Variants in TMEM163 observed in about 807,000 individuals in gnomAD.
The protein encoded by TMEM163 is transmembrane protein 163.
In TMEM163, 17 loss-of-function variants were observed where a neutral mutation model predicts 29.3. The observed-to-expected ratio is 0.58, with a 90% confidence interval of 0.40 to 0.87. The LOEUF (loss-of-function observed/expected upper bound fraction) is 0.87. TMEM163 is among the 40% of genes least tolerant of loss of function. The pLI is 0.00. For synonymous variants in TMEM163, 157 were observed against 160.6 expected (o/e 0.98, Z 0.17); for missense variants, 303 against 381.5 (o/e 0.79, Z 1.71).
At chr2:134,498,947 G>A (rs768132283) in intron 5 of TMEM163, among the ~76,000 whole-genome samples, 4 of 152,186 alleles carry the variant, frequency 2.6e-5, no homozygotes, top group Non-Finnish European at 4.4e-5. Context: ...AGGCTCTGCC[G>A]CCACCCAGCT....
intron 2 of TMEM163, among the ~76,000 whole-genome samples, chr2:134,555,137 T>C (rs1217397032): frequency 1.6e-4 from 25 of 152,216 alleles, no homozygotes; most frequent in Admixed American, 1.6e-3. Flanking sequence ...TCAGATGGCC[T>C]TTCAGGAATT....
intron 4 of TMEM163, among the ~76,000 whole-genome samples, chr2:134,511,160 G>GC (rs372074137): frequency 6.7e-6 from 1 of 149,802 alleles, no homozygotes; most frequent in African/African-American, 2.5e-5. Context: ...AGGCGGGGGG[G>GC]GGTGCTGTTA....
chr2:134,669,156 T>A (rs1237966517), intron 2 of TMEM163, among the ~76,000 whole-genome samples: 1 of 152,226 alleles, frequency 6.6e-6, no homozygotes, highest in Non-Finnish European at 1.5e-5. Context: ...GACCAGGATA[T>A]GCTGGCACTA....
At chr2:134,490,861 C>T in intron 5 of TMEM163, among the ~76,000 whole-genome samples, 1 of 152,038 alleles carries the variant, frequency 6.6e-6, no homozygotes, top group Non-Finnish European at 1.5e-5. Flanking sequence ...TATTTCAGAG[C>T]TTGGGAAATA....
rs769666342 is a variant in TMEM163, at chr2:134,466,133, A to G, written c.648T>C (p.Ser216=). The G allele has an allele frequency of 1.2e-6, 2 of 1,613,608 alleles. No individual in the cohort carries two copies. The highest frequency in any genetic ancestry group is 8.5e-7 in the Non-Finnish European group (1 of 1,179,870). ...LKFMLGKVLT[S]RALITDGFNS... Reference sequence around the variant, plus strand: ...ACTCACCATCTGTTATGAGTGCTCTACTGGTCAGAACCTTCCCCAGCATGA... The same window carrying G: ...ACTCACCATCTGTTATGAGTGCTCTGCTGGTCAGAACCTTCCCCAGCATGA... Residue 216 remains serine (S), a synonymous_variant, in exon 6 of 8, where the codon AGT becomes AGC. Coordinates refer to ENST00000281924, the MANE Select transcript of TMEM163 (RefSeq NM_030923.5).
rs764609073 is a variant in TMEM163 at position 134,456,827 on chromosome 2, G to C, written c.810-51C>G. 11 of 1,572,612 alleles carry C rather than the reference G, an allele frequency of 7.0e-6. No homozygotes were observed. The Admixed American group carries it at 1.4e-4, about 20-fold the overall frequency. On this transcript the variant is annotated intron_variant, in intron 7 of 7. Coordinates refer to ENST00000281924, the MANE Select transcript of TMEM163 (RefSeq NM_030923.5). ...CACCTCCATGGCATGGGGCTGAAGA[G>C]CTTGGGGAAGCGTATTTTCATTTTT...
At chr2:134,576,876 TA>T (rs1388514958) in intron 2 of TMEM163, among the ~76,000 whole-genome samples, 2 of 152,152 alleles carry the variant, frequency 1.3e-5, no homozygotes, top group Non-Finnish European at 2.9e-5. Flanking sequence ...ACTGAACTAT[TA>T]AACACAGACA....
chr2:134,610,341 G>T (rs952103987), intron 2 of TMEM163, among the ~76,000 whole-genome samples: 1 of 152,194 alleles, frequency 6.6e-6, no homozygotes, highest in Non-Finnish European at 1.5e-5. Context: ...CTGCTGGCCA[G>T]CTCCAAGGCC....
intron 6 of TMEM163, among the ~76,000 whole-genome samples, chr2:134,464,009 G>A (rs1431146239): frequency 6.6e-6 from 1 of 152,212 alleles, no homozygotes; most frequent in Admixed American, 6.5e-5. Context: ...GCACAGGAAA[G>A]AGGCAGTCTT....
intron 5 of TMEM163, among the ~76,000 whole-genome samples, chr2:134,470,781 C>A (rs138882295): frequency 6.6e-6 from 1 of 152,384 alleles, no homozygotes; most frequent in Non-Finnish European, 1.5e-5. Flanking sequence ...CCAGATGGCT[C>A]TCCTGCGGTG....
chr2:134,471,737 G>A (rs1444941868), intron 5 of TMEM163, among the ~76,000 whole-genome samples: 2 of 152,128 alleles, frequency 1.3e-5, no homozygotes, highest in South Asian at 2.1e-4. Context: ...AGGTGCGGCC[G>A]CACCTACCAT....
chr2:134,662,810 A>G (rs1253922635), intron 2 of TMEM163, among the ~76,000 whole-genome samples: 1 of 152,166 alleles, frequency 6.6e-6, no homozygotes, highest in Admixed American at 6.5e-5. Flanking sequence ...GGTACCTAAT[A>G]ACCAAATCAT....
At chr2:134,712,702 T>G (rs571803614) in intron 2 of TMEM163, among the ~76,000 whole-genome samples, 2 of 152,320 alleles carry the variant, frequency 1.3e-5, no homozygotes, top group African/African-American at 4.8e-5. Flanking sequence ...TGTTTTTGTT[T>G]CCACGGCCAC....
intron 2 of TMEM163, among the ~76,000 whole-genome samples, chr2:134,633,589 T>C (rs959242204): frequency 2.0e-5 from 3 of 152,146 alleles, no homozygotes; most frequent in African/African-American, 7.2e-5. Context: ...ACAGATTCTG[T>C]ACAAAGCTGG....
At chr2:134,512,197 C>A (rs1679962765) in intron 4 of TMEM163, among the ~76,000 whole-genome samples, 2 of 152,190 alleles carry the variant, frequency 1.3e-5, no homozygotes, top group Admixed American at 6.5e-5. Context: ...ATGTCTCATG[C>A]CTGTAATCTC....
At chr2:134,474,511 T>G (rs1423978303) in intron 5 of TMEM163, among the ~76,000 whole-genome samples, 1 of 152,224 alleles carries the variant, frequency 6.6e-6, no homozygotes, top group Non-Finnish European at 1.5e-5. Context: ...TACTTCCATT[T>G]GACTCTGATT....
intron 2 of TMEM163, among the ~76,000 whole-genome samples, chr2:134,663,839 C>T (rs997176991): frequency 2.6e-5 from 4 of 152,232 alleles, no homozygotes; most frequent in African/African-American, 7.2e-5. Context: ...TTTACCACAC[C>T]TGTTTCCTCT....
intron 1 of TMEM163, 45 bp from the exon 2 acceptor site, chr2:134,713,364 A>T: frequency 6.2e-7 from 1 of 1,609,632 alleles, no homozygotes; most frequent in Non-Finnish European, 8.5e-7. Flanking sequence ...TTCCTTACTA[A>T]GAAACCCACA....
intron 2 of TMEM163, among the ~76,000 whole-genome samples, chr2:134,602,989 A>G (rs1244624663): frequency 6.6e-6 from 1 of 152,164 alleles, no homozygotes; most frequent in East Asian, 1.9e-4. Flanking sequence ...TTGGGGGTAT[A>G]GGCGCTGTCA....
Sources: gnomAD v4.1 joint callset for allele counts (sites outside exome capture counted in the v4.1 genomes callset) on GRCh38, gnomAD v4.1.1 for gene constraint, MANE v1.5 for transcripts, NCBI Gene and HGNC (gene_info 2026-07-23, HGNC 2026-07-21) for gene names.